WNT16: variants seen among roughly 807,000 people sequenced by gnomAD.
The protein encoded by WNT16 is protein Wnt-16.
Under a neutral mutation model 35.4 loss-of-function variants are expected in WNT16, and 20 were observed. The observed-to-expected ratio is 0.56, with a 90% CI of 0.40 to 0.82. The LOEUF is 0.82. Ranked by LOEUF, WNT16 falls within the 40% of genes least tolerant of loss-of-function variation. The probability of loss-of-function intolerance (pLI) is 0.00; values close to 1 mark genes in which losing one functional copy is unlikely to be tolerated. For missense variants in WNT16, 461 were observed against 466.0 expected, an observed-to-expected ratio of 0.99 and a Z score of 0.10; for synonymous variants, 180 against 179.2, an observed-to-expected ratio of 1.00 and a Z score of -0.03.
chr7:121,339,453 A>G lies in WNT16; in HGVS notation c.*108A>G. 9.8e-7 allele frequency: 1 copy of G among 1,021,656 alleles called. No homozygotes were observed. Among genetic ancestry groups the G allele is most frequent in the South Asian group, 1.6e-5 (1 of 63,580 alleles). 63.3% of individuals were successfully genotyped at this position (1,021,656 alleles called of 1,614,324 possible). The stretch of plus-strand genomic sequence containing the variant: ...CTAGTAAAGTTGACTCTTGCAGTGG[A>G]ATCCCTAGAACCTTGGACCTGAGAG... On this transcript the variant is annotated 3_prime_UTR_variant, in exon 4 of 4. Transcript: ENST00000222462.
Position 121,339,744 on chromosome 7 carries a change from CA to C in WNT16, c.*400del, listed in dbSNP as rs1239329810. ...TCAATAATGGTGGGTGAACATTAGT[CA>C]TTTTTAAAAGACACCTCTTATAGCA... On this transcript the variant is annotated 3_prime_UTR_variant, in exon 4 of 4. Coordinates refer to ENST00000222462, the MANE Select transcript of WNT16 (RefSeq NM_057168.2). 5.7e-6 allele frequency: 2 copies of C among 352,538 alleles called. No individual in the cohort carries two copies. Among genetic ancestry groups the C allele is most frequent in the East Asian group, 8.2e-5 (2 of 24,372 alleles). 21.8% of individuals were successfully genotyped at this position (352,538 alleles called of 1,614,324 possible).
chr7:121,326,995 T>C (rs1230371718), upstream of WNT16, among the ~76,000 whole-genome samples: 1 of 152,204 alleles, frequency 6.6e-6, no homozygotes, highest in African/African-American at 2.4e-5. Flanking sequence ...ATTCACTCAA[T>C]AAATTTTGTT....
chr7:121,339,183 T>C lies in WNT16; in HGVS notation c.936T>C (p.Arg312=), dbSNP rs777735313. 6 of 1,614,220 alleles carry C rather than the reference T, an allele frequency of 3.7e-6. No homozygotes were observed. The highest frequency in any genetic ancestry group is 4.2e-6 in the Non-Finnish European group (5 of 1,180,042). ...GGACACAAGGCAGAGAATGCAACCG[T>C]ACATCAGAGGGTGCAGATGGCTGCA... ...IPGTQGRECN[R]TSEGADGCNL... The change falls in exon 4 of 4, where the codon CGT becomes CGC. Residue 312 remains arginine, a synonymous_variant. Transcript: ENST00000222462.
Position 121,329,646 on chromosome 7 carries a change from C to T in WNT16, c.175C>T (p.Leu59=). 2 of 1,614,216 alleles carry T rather than the reference C, an allele frequency of 1.2e-6. No individual in the cohort carries two copies. Among genetic ancestry groups the T allele is most frequent in the Non-Finnish European group, 1.7e-6 (2 of 1,180,022 alleles). Residue 59 remains leucine, a synonymous_variant, in exon 2 of 4, where the codon CTG becomes TTG. Coordinates refer to ENST00000222462, the MANE Select transcript of WNT16 (RefSeq NM_057168.2). The part of the protein sequence containing the change: ...NLPLNSRQKE[L]CKRKPYLLPS... ...GCCGCTGAACAGCCGCCAGAAGGAGCTGTGCAAGAGGAAACCGTACCTGCT... is the reference window on the plus strand; with the variant it reads ...GCCGCTGAACAGCCGCCAGAAGGAGTTGTGCAAGAGGAAACCGTACCTGCT...
intron 3 of WNT16, among the ~76,000 whole-genome samples, chr7:121,332,955 A>C (rs912396062): frequency 6.6e-6 from 1 of 152,082 alleles, no homozygotes; most frequent in Non-Finnish European, 1.5e-5. Flanking sequence ...GAATATTGAC[A>C]CAACAAAGTT....
At chr7:121,332,099 A>T (rs1478291815) in intron 3 of WNT16, 135 bp downstream of exon 3, 3 of 1,052,944 alleles carry the variant, frequency 2.8e-6, no homozygotes, top group African/African-American at 1.6e-5. Context: ...CTGAAAATTA[A>T]TATTGTTTTT....
rs1221316406 is a variant in WNT16 at position 121,340,926 on chromosome 7, A to T, written c.*1581A>T. On this transcript the variant is annotated 3_prime_UTR_variant, in exon 4 of 4. Coordinates refer to ENST00000222462, the MANE Select transcript of WNT16 (RefSeq NM_057168.2). Reference sequence around the variant, plus strand: ...AGATTTTTAAAATTCAGAATGGACAAAGAGAATATTCATTTTCTTATTAAT... The same window carrying T: ...AGATTTTTAAAATTCAGAATGGACATAGAGAATATTCATTTTCTTATTAAT... 2.0e-5 allele frequency: 3 copies of T among 152,140 alleles called. No individual in the cohort carries two copies. The highest frequency in any genetic ancestry group is 4.4e-5 in the Non-Finnish European group (3 of 67,982). The allele number at this position is 152,140 out of a possible 1,614,324, so 9.4% of individuals were successfully genotyped here.
intron 3 of WNT16, among the ~76,000 whole-genome samples, chr7:121,335,668 A>C (rs565580539): frequency 9.7e-4 from 147 of 152,192 alleles, no homozygotes; most frequent in African/African-American, 3.4e-3. Flanking sequence ...CCTGGAGGAA[A>C]ATCTCCAGAA....
intron 3 of WNT16, among the ~76,000 whole-genome samples, chr7:121,337,245 T>G (rs1051961557): frequency 3.9e-5 from 6 of 152,222 alleles, no homozygotes; most frequent in African/African-American, 1.4e-4. Context: ...ATGTGCCATA[T>G]GCACTACTAA....
At chr7:121,329,877 T>C in intron 2 of WNT16, 60 bp downstream of exon 2, 5 of 1,576,038 alleles carry the variant, frequency 3.2e-6, no homozygotes, top group Non-Finnish European at 4.3e-6. Flanking sequence ...CTCCACCGGT[T>C]CCTGCAAATA....
Position 121,338,964 on chromosome 7 carries a change from GTCT to G in WNT16, c.722_724del (p.Ser241del). ...CTGTGAAAACATGCTGGAAAACCAT[GTCT>G]TCTTTTGAAAAGATTGGCCATTTGT... On this transcript the variant is annotated inframe_deletion, in exon 4 of 4. Transcript: ENST00000222462. 1 of 1,614,124 alleles carries G rather than the reference GTCT, an allele frequency of 6.2e-7. No individual in the cohort carries two copies. The highest frequency in any genetic ancestry group is 2.2e-5 in the East Asian group (1 of 44,880).
chr7:121,338,895 G>C lies in WNT16; in HGVS notation c.648G>C (p.Leu216Phe). Residue 216 changes from leucine to phenylalanine, a missense_variant, in exon 4 of 4, where the codon TTG (leucine) becomes TTC (phenylalanine). By Grantham distance (22) the Leu-to-Phe change is conservative. Transcript: ENST00000222462. The part of the protein sequence containing the change: ...NEAGRQAVAK[L>F]MSVDCRCHGV... ...GTTGGTTTCAGGCTGTCGCCAAGTTGATGTCAGTAGACTGCCGCTGCCACG... is the reference window on the plus strand; with the variant it reads ...GTTGGTTTCAGGCTGTCGCCAAGTTCATGTCAGTAGACTGCCGCTGCCACG... 1 of 1,612,578 alleles carries C rather than the reference G, an allele frequency of 6.2e-7. No homozygotes were observed. The highest frequency in any genetic ancestry group is 1.7e-5 in the Admixed American group (1 of 59,746).
intron 3 of WNT16, among the ~76,000 whole-genome samples, chr7:121,336,148 T>A (rs147098229): frequency 3.9e-5 from 6 of 151,996 alleles, no homozygotes; most frequent in African/African-American, 1.2e-4. Flanking sequence ...ATCTTTGAAA[T>A]TCCAGGTCAG....
chr7:121,337,628 C>T (rs1200106052), intron 3 of WNT16, among the ~76,000 whole-genome samples: 4 of 152,148 alleles, frequency 2.6e-5, no homozygotes, highest in Non-Finnish European at 4.4e-5. Context: ...GTTCTGCCAT[C>T]GTCTGGGGAT....
intron 3 of WNT16, among the ~76,000 whole-genome samples, chr7:121,338,351 C>T (rs950699830): frequency 1.3e-4 from 20 of 152,274 alleles, no homozygotes; most frequent in African/African-American, 4.8e-4. Flanking sequence ...AGGGTAACTT[C>T]TCTCTCAGTG....
chr7:121,331,842 G>C lies in WNT16; in HGVS notation c.511G>C (p.Asp171His). The change falls in exon 3 of 4, where the codon GAT (aspartate) becomes CAT (histidine). Residue 171 changes from aspartate to histidine, a missense_variant. Transcript: ENST00000222462. ...EGWHWGGCSD[D>H]VQYGMWFSRK... ...CTGGCACTGGGGGGGCTGCTCCGAT[G>C]ATGTCCAGTATGGCATGTGGTTCAG... 1 of 1,614,188 alleles carries C rather than the reference G, an allele frequency of 6.2e-7. No homozygotes were observed. The highest frequency in any genetic ancestry group is 2.2e-5 in the East Asian group (1 of 44,886).
At chr7:121,325,987 C>T (rs1263588199), upstream of WNT16, among the ~76,000 whole-genome samples, 1 of 125,616 alleles carries the variant, frequency 8.0e-6, no homozygotes, top group Non-Finnish European at 1.6e-5. Context: ...TGCAGTGAGT[C>T]ATGATAGAGC....
intron 2 of WNT16, 34 bp downstream of exon 2, chr7:121,329,851 C>G (rs747221714): frequency 2.5e-6 from 4 of 1,588,660 alleles, no homozygotes; most frequent in African/African-American, 2.7e-5. Flanking sequence ...TGGTGGGGGA[C>G]GGAAGGCGAC....
chr7:121,331,659 C>G lies in WNT16; in HGVS notation c.347-19C>G. 1 of 1,595,594 alleles carries G rather than the reference C, an allele frequency of 6.3e-7. No individual in the cohort carries two copies. The highest frequency in any genetic ancestry group is 8.6e-7 in the Non-Finnish European group (1 of 1,165,240). The stretch of plus-strand genomic sequence containing the variant: ...GAAGTTGCCTGGTTCTCTAATTTAG[C>G]AATTTATATTTTTTCTAGGCACCAA... On this transcript the variant is annotated intron_variant, in intron 2 of 3. Coordinates refer to ENST00000222462, the MANE Select transcript of WNT16 (RefSeq NM_057168.2).
Sources: gnomAD v4.1 joint callset for allele counts (sites outside exome capture counted in the v4.1 genomes callset) on GRCh38, gnomAD v4.1.1 for gene constraint, MANE v1.5 for transcripts, NCBI Gene and HGNC (gene_info 2026-07-23, HGNC 2026-07-21) for gene names.